CCNY: variants seen among roughly 807,000 people sequenced by gnomAD.
The protein encoded by CCNY is cyclin-Y.
Under a neutral mutation model 42.8 loss-of-function variants are expected in CCNY, and 19 were observed. That is an observed-to-expected ratio of 0.44 (90% CI 0.31 to 0.65). The LOEUF is 0.65. Among genes scored for constraint, CCNY ranks in the 30% least tolerant of loss-of-function variants. The pLI, the probability that CCNY is intolerant of heterozygous loss-of-function variation, is 0.07. For synonymous variants in CCNY, 165 were observed against 162.7 expected (o/e 1.01, Z -0.11); for missense variants, 370 against 437.3 (o/e 0.85, Z 1.37).
chr10:35,269,784 C>T (rs1220825592), intron 3 of CCNY, among the ~76,000 whole-genome samples: 1 of 151,716 alleles, frequency 6.6e-6, no homozygotes, highest in Non-Finnish European at 1.5e-5. Context: ...TGCCCACCAC[C>T]ATGCCCGGCT....
chr10:35,504,931 C>G (rs1024886139), intron 3 of CCNY, among the ~76,000 whole-genome samples: 6 of 152,090 alleles, frequency 3.9e-5, no homozygotes, highest in Non-Finnish European at 8.8e-5. Context: ...GCCACTGCGT[C>G]CAGCTAGGAA....
intron 7 of CCNY, among the ~76,000 whole-genome samples, chr10:35,551,825 T>C (rs371123352): frequency 1.3e-4 from 20 of 152,226 alleles, no homozygotes; most frequent in East Asian, 5.8e-4. Flanking sequence ...CGCAGTGATA[T>C]ACGACTTCAC....
At position 35,569,306 on chromosome 10, in the gene CCNY, A is replaced by AT. The variant is rs1841638882; in HGVS notation, c.*137dup. The AT allele has an allele frequency of 4.7e-6, 3 of 639,842 alleles. No homozygotes were observed. The South Asian group carries it at 5.4e-5, about 12-fold the overall frequency. 39.6% of individuals were successfully genotyped at this position (639,842 alleles called of 1,614,324 possible). A position where few individuals can be genotyped will look rare whatever the true frequency, so the allele number is the denominator to read the frequency against. Reference sequence around the variant, plus strand: ...CGCATAGCTCCGTCAAGCTGCCTGGATGAGCGCCCATGCAGCAAGGCTTGG... The same window carrying AT: ...CGCATAGCTCCGTCAAGCTGCCTGGATTGAGCGCCCATGCAGCAAGGCTTGG... On this transcript the variant is annotated 3_prime_UTR_variant, in exon 10 of 10. Transcript: ENST00000374704.
chr10:35,517,993 C>G (rs1283242429), intron 4 of CCNY, among the ~76,000 whole-genome samples: 2 of 152,214 alleles, frequency 1.3e-5, no homozygotes, highest in Non-Finnish European at 2.9e-5. Context: ...GAGCCCAGAA[C>G]AGAAGCTGCT....
intron 4 of CCNY, among the ~76,000 whole-genome samples, chr10:35,519,770 T>A (rs1406472798): frequency 7.0e-6 from 1 of 142,528 alleles, no homozygotes; most frequent in Non-Finnish European, 1.5e-5. Context: ...CTTTTTCTTT[T>A]CTTTTCTTTT....
At chr10:35,350,273 C>T (rs533412806) in intron 1 of CCNY, among the ~76,000 whole-genome samples, 88 of 152,242 alleles carry the variant, frequency 5.8e-4, no homozygotes, top group Non-Finnish European at 9.9e-4. Flanking sequence ...TTGCTTTTTT[C>T]TTCCTTTTTT....
At chr10:35,494,192 T>A (rs1222538565) in intron 2 of CCNY, among the ~76,000 whole-genome samples, 1 of 149,356 alleles carries the variant, frequency 6.7e-6, no homozygotes, top group Non-Finnish European at 1.5e-5. Context: ...GGAGGATTGC[T>A]TGAGCCCAGG....
chr10:35,261,081 G>A (rs1460998092), intron 3 of CCNY, among the ~76,000 whole-genome samples: 1 of 151,954 alleles, frequency 6.6e-6, no homozygotes, highest in East Asian at 1.9e-4. Context: ...ACTGCACTCC[G>A]CCTAGGTGAC....
chr10:35,366,309 C>T (rs1211990617), intron 1 of CCNY, among the ~76,000 whole-genome samples: 1 of 152,134 alleles, frequency 6.6e-6, no homozygotes, highest in Non-Finnish European at 1.5e-5. Flanking sequence ...TTTGGGGCTT[C>T]ATGTATAAAT....
intron 3 of CCNY, among the ~76,000 whole-genome samples, chr10:35,304,024 C>A (rs1564363088): frequency 6.6e-6 from 1 of 152,148 alleles, no homozygotes; most frequent in African/African-American, 2.4e-5. Context: ...AAAGACCATT[C>A]CTGATACCTG....
At chr10:35,518,633 G>A (rs1840477846) in intron 4 of CCNY, among the ~76,000 whole-genome samples, 1 of 117,632 alleles carries the variant, frequency 8.5e-6, no homozygotes, top group Non-Finnish European at 1.7e-5. Context: ...TCTGGCTGAG[G>A]CATTCTCTGG....
intron 1 of CCNY, among the ~76,000 whole-genome samples, chr10:35,463,308 T>G (rs189803411): frequency 6.7e-6 from 1 of 149,896 alleles, no homozygotes; most frequent in Non-Finnish European, 1.5e-5. Context: ...AGATGCTTAC[T>G]AAACATTAGT....
At chr10:35,486,685 C>T (rs1839794617) in intron 2 of CCNY, among the ~76,000 whole-genome samples, 1 of 152,216 alleles carries the variant, frequency 6.6e-6, no homozygotes, top group Admixed American at 6.5e-5. Context: ...GAATATGAGG[C>T]CCATCGTGAT....
intron 1 of CCNY, among the ~76,000 whole-genome samples, chr10:35,354,184 C>CTT (rs549476804): frequency 1.7e-4 from 22 of 131,494 alleles, no homozygotes; most frequent in African/African-American, 4.2e-4. Context: ...CATACATAGT[C>CTT]TTTTTTTTTT....
chr10:35,282,552 C>G (rs931790812), intron 3 of CCNY, among the ~76,000 whole-genome samples: 2 of 151,642 alleles, frequency 1.3e-5, no homozygotes, highest in Admixed American at 1.3e-4. Context: ...ATGGTGAAAC[C>G]CTGTCTCTAC....
At chr10:35,276,748 T>A (rs1034730594) in intron 3 of CCNY, among the ~76,000 whole-genome samples, 1 of 152,244 alleles carries the variant, frequency 6.6e-6, no homozygotes, top group African/African-American at 2.4e-5. Flanking sequence ...ACAGTCACTA[T>A]GGAACTCTCC....
In CCNY at chr10:35,343,128, G is replaced by A. The variant is rs182234856; in HGVS notation, c.154+5921G>A. ...AGTAATTCTCCTGCCTCAGCCTCCC[G>A]AGTAGCTGAGATTACAGGTGCACGC... On this transcript the variant is annotated intron_variant, in intron 1 of 9. Transcript: ENST00000374704. Among the ~76,000 whole-genome samples, 26 of 148,936 alleles carry A rather than the reference G, an allele frequency of 1.7e-4. 1 individual carries two copies. In the East Asian group the frequency reaches 4.1e-3, roughly 23 times the overall value.
At chr10:35,406,044 G>T (rs1451285303) in intron 1 of CCNY, among the ~76,000 whole-genome samples, 1 of 152,136 alleles carries the variant, frequency 6.6e-6, no homozygotes, top group African/African-American at 2.4e-5. Flanking sequence ...TTGTCTCACA[G>T]TGGAGGCAAG....
chr10:35,255,853 C>G (rs1194086380), intron 3 of CCNY, among the ~76,000 whole-genome samples: 1 of 152,126 alleles, frequency 6.6e-6, no homozygotes, highest in Non-Finnish European at 1.5e-5. Context: ...CCTCAGCCTC[C>G]CAAAATACTG....
Sources: allele counts gnomAD v4.1 joint callset (sites outside exome capture counted in the v4.1 genomes callset), GRCh38; gene constraint gnomAD v4.1.1; transcripts MANE v1.5; gene names NCBI Gene and HGNC (gene_info 2026-07-23, HGNC 2026-07-21).